The following NET1 variants were observed in gnomAD, a reference collection of about 807,000 sequenced individuals.
NET1 encodes the protein neuroepithelial cell transforming 1, also known as neuroepithelial cell-transforming gene 1 protein.
A neutral mutation model predicts 61.1 loss-of-function variants in NET1; 42 were observed. The ratio of observed to expected loss-of-function variants is 0.69; its 90% CI spans 0.54 to 0.89. The LOEUF is 0.89. Ranked by LOEUF, NET1 falls within the 40% of genes least tolerant of loss-of-function variation. NET1 has a pLI of 0.00. For synonymous variants in NET1, 254 were observed against 281.8 expected (o/e 0.90, Z 0.99); for missense variants, 654 against 747.3 (o/e 0.88, Z 1.46).
rs1375706559 is a variant in NET1, at chr10:5,454,405, T to C, written c.909T>C (p.Asp303=). ...CLESPFSRKL[D]LWSFLDIPRS... is the part of the protein sequence containing the mutation. ...AGTCTCCCTTCAGTCGAAAACTAGA[T>C]CTTTGGAGTTTCCTAGATATCCCTC... The change falls in exon 9 of 12, where the codon GAT becomes GAC. Residue 303 remains aspartate, a synonymous_variant. Coordinates refer to ENST00000355029, the MANE Select transcript of NET1 (RefSeq NM_001047160.3). The surrounding 1 kb of genome is among the most constrained non-coding windows in gnomAD (Gnocchi z 8.1). 3 of 1,614,144 alleles carry C rather than the reference T, an allele frequency of 1.9e-6. No individual in the cohort carries two copies. The highest frequency in any genetic ancestry group is 2.5e-6 in the Non-Finnish European group (3 of 1,180,024).
Position 5,440,210 on chromosome 10 carries a change from G to A in NET1, c.255+10981G>A, listed in dbSNP as rs187251386. 8.2e-4 allele frequency among the ~76,000 whole-genome samples: 125 copies of A among 152,346 alleles called. 2 individuals carry two copies. In the Middle Eastern group the frequency reaches 0.014, roughly 17 times the overall value. ...GAAATATCCGGTCCTTGCCGACTTT[G>A]TGACAGAAAACAAAGTGAACAGCTT... is the stretch of plus-strand genomic sequence containing the variant. On this transcript the variant is annotated intron_variant, in intron 3 of 11. Coordinates refer to ENST00000355029, the MANE Select transcript of NET1 (RefSeq NM_001047160.3). This position sits in a 1 kb window ranked among gnomAD's most constrained non-coding sequence, Gnocchi z 4.1.
In NET1 at chr10:5,439,653, G is replaced by C. The variant is rs1055376166; in HGVS notation, c.255+10424G>C. Among the ~76,000 whole-genome samples, 2 of 152,232 alleles carry C rather than the reference G, an allele frequency of 1.3e-5. No homozygotes were observed. The highest frequency in any genetic ancestry group is 4.8e-5 in the African/African-American group (2 of 41,456). ...CTAGGTCTGCCCCACACCTGGGGCT[G>C]CTTTTCAAACCGGAGTCATTTTCTG... On this transcript the variant is annotated intron_variant, in intron 3 of 11. Coordinates refer to ENST00000355029, the MANE Select transcript of NET1 (RefSeq NM_001047160.3). The surrounding 1 kb of genome is among the most constrained non-coding windows in gnomAD (Gnocchi z 4.8).
intron 1 of NET1, among the ~76,000 whole-genome samples, chr10:5,425,620 C>T (rs1382569421): frequency 6.6e-6 from 1 of 152,232 alleles, no homozygotes; most frequent in East Asian, 1.9e-4. Flanking sequence ...AGTTAGCCTG[C>T]CTACAGCTCC....
At chr10:5,432,677 C>G (rs1832367663) in intron 3 of NET1, among the ~76,000 whole-genome samples, 1 of 151,644 alleles carries the variant, frequency 6.6e-6, no homozygotes, top group East Asian at 1.9e-4. Flanking sequence ...GTTCATATTC[C>G]TGACTCTTCT....
intron 3 of NET1, among the ~76,000 whole-genome samples, chr10:5,436,424 C>T (rs1832440110): frequency 6.7e-6 from 1 of 149,762 alleles, no homozygotes; most frequent in Admixed American, 6.7e-5. Context: ...TTTTAGTAGA[C>T]AGGGTTTCAC....
At chr10:5,413,691 T>G (rs1409143291) in intron 1 of NET1, among the ~76,000 whole-genome samples, 1 of 152,168 alleles carries the variant, frequency 6.6e-6, no homozygotes, top group Admixed American at 6.5e-5. Context: ...AAAATTAAAT[T>G]TGGTAATGAG....
In NET1 at chr10:5,437,947, G is replaced by A. The variant is rs1189546353; in HGVS notation, c.255+8718G>A. On this transcript the variant is annotated intron_variant, in intron 3 of 11. Transcript: ENST00000355029. This position sits in a 1 kb window ranked among gnomAD's most constrained non-coding sequence, Gnocchi z 4.3. Reference sequence around the variant, plus strand: ...GTGAAACTAAAAAGCAGTAACAAAAGGAAATCTAAAAAATTTATAAGTATG... The same window carrying A: ...GTGAAACTAAAAAGCAGTAACAAAAAGAAATCTAAAAAATTTATAAGTATG... 3.3e-5 allele frequency among the ~76,000 whole-genome samples: 5 copies of A among 151,658 alleles called. No homozygotes were observed. The highest frequency in any genetic ancestry group is 1.2e-4 in the African/African-American group (5 of 41,264).
Position 5,454,378 on chromosome 10 carries a change from C to G in NET1, c.882C>G (p.Leu294=). 6.2e-7 allele frequency: 1 copy of G among 1,614,138 alleles called. No homozygotes were observed. The highest frequency in any genetic ancestry group is 8.5e-7 in the Non-Finnish European group (1 of 1,180,034). The change falls in exon 9 of 12, where the codon CTC becomes CTG. Residue 294 remains leucine (L), a synonymous_variant. Coordinates refer to ENST00000355029, the MANE Select transcript of NET1 (RefSeq NM_001047160.3). This position sits in a 1 kb window ranked among gnomAD's most constrained non-coding sequence, Gnocchi z 8.1. The part of the protein sequence containing the change: ...PRVQDFLQRC[L]ESPFSRKLDL... ...TCCAAGACTTCCTCCAGCGATGTCT[C>G]GAGTCTCCCTTCAGTCGAAAACTAG...
chr10:5,422,732 G>A lies in NET1; in HGVS notation c.129-3923G>A, dbSNP rs1363969302. Among the ~76,000 whole-genome samples, 1 of 152,160 alleles carries A rather than the reference G, an allele frequency of 6.6e-6. No homozygotes were observed. Among genetic ancestry groups the A allele is most frequent in the East Asian group, 1.9e-4 (1 of 5,196 alleles). On this transcript the variant is annotated intron_variant, in intron 1 of 11. Coordinates refer to ENST00000355029, the MANE Select transcript of NET1 (RefSeq NM_001047160.3). This position sits in a 1 kb window ranked among gnomAD's most constrained non-coding sequence, Gnocchi z 4.1. ...CAGATGAGAAAACCCTAGTATGATA[G>A]GAGACATAGTCTACATGATTGTCAG...
At chr10:5,436,182 TGTGTTGTGTGTG>T (rs1361624247) in intron 3 of NET1, among the ~76,000 whole-genome samples, 173 of 55,294 alleles carry the variant, frequency 3.1e-3, no homozygotes, top group Non-Finnish European at 5.7e-3. Context: ...TGTGTGTGTG[TGTGTTGTGTGTG>T]TGTGTGTGTG....
Position 5,427,864 on chromosome 10 carries a change from A to C in NET1, c.195+1143A>C, listed in dbSNP as rs373670701. Among the ~76,000 whole-genome samples, 2 of 152,084 alleles carry C rather than the reference A, an allele frequency of 1.3e-5. No homozygotes were observed. The highest frequency in any genetic ancestry group is 1.9e-4 in the East Asian group (1 of 5,198). ...TGATATTGTGTAGAATTTGACTTTG[A>C]GAATTTTCTGTTCATTTTAGTGTGA... On this transcript the variant is annotated intron_variant, in intron 2 of 11. Transcript: ENST00000355029. This position sits in a 1 kb window ranked among gnomAD's most constrained non-coding sequence, Gnocchi z 4.1.
chr10:5,449,887 G>C lies in NET1; in HGVS notation c.256-1943G>C, dbSNP rs918377977. 2.6e-5 allele frequency among the ~76,000 whole-genome samples: 4 copies of C among 152,194 alleles called. No individual in the cohort carries two copies. The highest frequency in any genetic ancestry group is 4.4e-5 in the Non-Finnish European group (3 of 68,034). The stretch of plus-strand genomic sequence containing the variant: ...TTGTTATGCATGAAACAAGGAAGAG[G>C]AGTTAACCTCTGTTCCCAAAAAGCG... On this transcript the variant is annotated intron_variant, in intron 3 of 11. Transcript: ENST00000355029. This position sits in a 1 kb window ranked among gnomAD's most constrained non-coding sequence, Gnocchi z 4.4.
At position 5,443,391 on chromosome 10, in the gene NET1, T is replaced by C. The variant is rs1397705466; in HGVS notation, c.256-8439T>C. On this transcript the variant is annotated intron_variant, in intron 3 of 11. Transcript: ENST00000355029. The surrounding 1 kb of genome is among the most constrained non-coding windows in gnomAD (Gnocchi z 4.8). ...AGTAATTGAGATAATAAGTACTTCA[T>C]AGAGTTGATTAAATAACATATAGAA... Among the ~76,000 whole-genome samples the C allele has an allele frequency of 6.6e-6, 1 of 152,238 alleles. No individual in the cohort carries two copies. Among genetic ancestry groups the C allele is most frequent in the Non-Finnish European group, 1.5e-5 (1 of 68,040 alleles).
In NET1 at chr10:5,446,860, T is replaced by G; in HGVS notation, c.256-4970T>G. ...AACCAGTCCTTCAGAGAACAAGAGG[T>G]AAGACTTTAAGAGAAACGTTAGGCA... is the stretch of plus-strand genomic sequence containing the variant. On this transcript the variant is annotated intron_variant, in intron 3 of 11. Coordinates refer to ENST00000355029, the MANE Select transcript of NET1 (RefSeq NM_001047160.3). This position sits in a 1 kb window ranked among gnomAD's most constrained non-coding sequence, Gnocchi z 5.0. The G allele has an allele frequency of 1.9e-6, 3 of 1,600,356 alleles. No individual in the cohort carries two copies. In the East Asian group the frequency reaches 6.7e-5, roughly 36 times the overall value.
At position 5,456,707 on chromosome 10, in the gene NET1, C is replaced by CA; in HGVS notation, c.1504_1505insA (p.Pro502HisfsTer10). ...CAACTGTATTCGAGCGGCCATTGCC[C>CA]CCTTCCAGTCGGCAGGCAGTCCACC... On this transcript the variant is annotated frameshift_variant, in exon 12 of 12. Transcript: ENST00000355029. LOFTEE classifies it low-confidence loss of function (END_TRUNC). This position sits in a 1 kb window ranked among gnomAD's most constrained non-coding sequence, Gnocchi z 7.0. 1.2e-5 allele frequency: 19 copies of CA among 1,614,182 alleles called. No individual in the cohort carries two copies. Among genetic ancestry groups the CA allele is most frequent in the Non-Finnish European group, 1.6e-5 (19 of 1,180,034 alleles).
intron 1 of NET1, among the ~76,000 whole-genome samples, chr10:5,425,492 G>A (rs973866341): frequency 6.6e-6 from 1 of 152,164 alleles, no homozygotes; most frequent in African/African-American, 2.4e-5. Context: ...GACCTAAAAT[G>A]TCCAGGACTT....
rs1832758475 is a variant in NET1, at chr10:5,454,211, A to G, written c.769-54A>G. 1 of 1,538,986 alleles carries G rather than the reference A, an allele frequency of 6.5e-7. No individual in the cohort carries two copies. Among genetic ancestry groups the G allele is most frequent in the Non-Finnish European group, 8.8e-7 (1 of 1,142,060 alleles). ...GTGTTTCATGTTTGCAGGCTTGTTAATGCACTCGGTCATAACAGGAACACA... is the reference window on the plus strand; with the variant it reads ...GTGTTTCATGTTTGCAGGCTTGTTAGTGCACTCGGTCATAACAGGAACACA... On this transcript the variant is annotated intron_variant, in intron 8 of 11. Coordinates refer to ENST00000355029, the MANE Select transcript of NET1 (RefSeq NM_001047160.3). The surrounding 1 kb of genome is among the most constrained non-coding windows in gnomAD (Gnocchi z 8.1).
chr10:5,424,894 T>C lies in NET1; in HGVS notation c.129-1761T>C, dbSNP rs747371063. ...ACTGCTGCCAGAGCCCCAGTCATCT[T>C]TTGTAAGCAATATTAGAGCTGCCTC... is the stretch of plus-strand genomic sequence containing the variant. On this transcript the variant is annotated intron_variant, in intron 1 of 11. Transcript: ENST00000355029. The surrounding 1 kb of genome is among the most constrained non-coding windows in gnomAD (Gnocchi z 6.1). Among the ~76,000 whole-genome samples, 8 of 152,188 alleles carry C rather than the reference T, an allele frequency of 5.3e-5. No homozygotes were observed. Among genetic ancestry groups the C allele is most frequent in the Non-Finnish European group, 1.0e-4 (7 of 68,022 alleles).
intron 3 of NET1, among the ~76,000 whole-genome samples, chr10:5,450,238 C>T (rs1262223156): frequency 6.6e-6 from 1 of 152,226 alleles, no homozygotes; most frequent in African/African-American, 2.4e-5. Flanking sequence ...AACTCTGCCT[C>T]TTAAAGCCTT....
Sources: allele counts gnomAD v4.1 joint callset (sites outside exome capture counted in the v4.1 genomes callset), GRCh38; gene constraint gnomAD v4.1.1; non-coding constraint Gnocchi (gnomAD v3.1); transcripts MANE v1.5; gene names NCBI Gene and HGNC (gene_info 2026-07-23, HGNC 2026-07-21).